SPON1: variants seen among roughly 807,000 people sequenced by gnomAD.
The protein encoded by SPON1 is spondin-1.
A neutral mutation model predicts 111.7 loss-of-function variants in SPON1; 52 were observed. That is an observed-to-expected ratio of 0.47 (90% CI 0.37 to 0.59). The LOEUF is 0.59. Ranked by LOEUF, SPON1 falls within the 20% of genes least tolerant of loss-of-function variation. The pLI, the probability that SPON1 is intolerant of heterozygous loss-of-function variation, is 0.00. For missense variants in SPON1, 957 were observed against 1,068.5 expected, an observed-to-expected ratio of 0.90 and a Z score of 1.46; for synonymous variants, 410 against 395.8, an observed-to-expected ratio of 1.04 and a Z score of -0.43.
intron 6 of SPON1, among the ~76,000 whole-genome samples, chr11:14,161,173 ATC>A (rs1554931227): frequency 1.6e-4 from 16 of 98,092 alleles, no homozygotes; most frequent in African/African-American, 6.1e-4. Flanking sequence ...ATATCTATAT[ATC>A]TATATATTTA....
chr11:14,015,400 T>TATAA (rs1848437558), intron 2 of SPON1, among the ~76,000 whole-genome samples: 1 of 152,174 alleles, frequency 6.6e-6, no homozygotes, highest in Non-Finnish European at 1.5e-5. Flanking sequence ...TTAAGACCTT[T>TATAA]ATAAGGTCAC....
chr11:14,017,221 A>G (rs1350143404), intron 2 of SPON1, among the ~76,000 whole-genome samples: 2 of 152,168 alleles, frequency 1.3e-5, no homozygotes, highest in African/African-American at 4.8e-5. Context: ...ACCCCAAAAT[A>G]ATGTCATTGT....
At chr11:14,089,897 C>G (rs551650064) in intron 5 of SPON1, among the ~76,000 whole-genome samples, 1 of 152,178 alleles carries the variant, frequency 6.6e-6, no homozygotes, top group Admixed American at 6.5e-5. Context: ...TGTTTTGCCA[C>G]GCTGTGTTGA....
At chr11:14,113,625 C>T (rs1282531536) in intron 5 of SPON1, among the ~76,000 whole-genome samples, 2 of 80,094 alleles carry the variant, frequency 2.5e-5, no homozygotes, top group African/African-American at 4.3e-5. Context: ...TTTTTTGAGA[C>T]GGAGTCTCGC....
intron 3 of SPON1, among the ~76,000 whole-genome samples, chr11:14,043,960 G>A (rs1554917597): frequency 6.6e-6 from 1 of 152,158 alleles, no homozygotes; most frequent in Admixed American, 6.5e-5. Flanking sequence ...AGTCAAATAA[G>A]GGAGAGAGAA....
chr11:14,184,707 A>G (rs2133888876), intron 6 of SPON1, among the ~76,000 whole-genome samples: 1 of 152,324 alleles, frequency 6.6e-6, no homozygotes, highest in South Asian at 2.1e-4. Context: ...TTTCAACATT[A>G]GACATCCAGC....
chr11:14,098,684 G>C (rs538603672), intron 5 of SPON1, among the ~76,000 whole-genome samples: 1 of 152,078 alleles, frequency 6.6e-6, no homozygotes, highest in South Asian at 2.1e-4. Context: ...AAGAGAGAGA[G>C]AGAGAGAATA....
chr11:14,190,514 A>T, intron 6 of SPON1, among the ~76,000 whole-genome samples: 1 of 139,600 alleles, frequency 7.2e-6, no homozygotes. Flanking sequence ...TTCCTTCTTT[A>T]GTTCCTTCCT....
chr11:14,187,062 G>A (rs1231598767), intron 6 of SPON1, among the ~76,000 whole-genome samples: 1 of 152,218 alleles, frequency 6.6e-6, no homozygotes, highest in Non-Finnish European at 1.5e-5. Flanking sequence ...TCGGCTTCCG[G>A]TGAGGTCTCA....
intron 6 of SPON1, among the ~76,000 whole-genome samples, chr11:14,177,076 T>G (rs1554933172): frequency 6.6e-6 from 1 of 152,188 alleles, no homozygotes; most frequent in African/African-American, 2.4e-5. Flanking sequence ...TGTCTCGCTC[T>G]GTCACCCAGG....
intron 2 of SPON1, among the ~76,000 whole-genome samples, chr11:14,039,201 G>T (rs1848615458): frequency 6.6e-6 from 1 of 152,176 alleles, no homozygotes; most frequent in Non-Finnish European, 1.5e-5. Flanking sequence ...TGAATAAGAA[G>T]AGCACAGAGG....
intron 6 of SPON1, among the ~76,000 whole-genome samples, chr11:14,195,411 A>G (rs977329185): frequency 2.0e-5 from 3 of 152,198 alleles, no homozygotes; most frequent in African/African-American, 7.2e-5. Context: ...TGATTGGAAA[A>G]GGCCTGGAAT....
rs1488497847 is a variant in SPON1, at chr11:13,997,289, C to G, written c.345+14336C>G. Among the ~76,000 whole-genome samples, 8 of 152,282 alleles carry G rather than the reference C, an allele frequency of 5.3e-5. No homozygotes were observed. The South Asian group carries it at 1.7e-3, about 32-fold the overall frequency. On this transcript the variant is annotated intron_variant, in intron 2 of 15. Transcript: ENST00000576479. ...GGACCATGCATCTAGCTTAGCTTTG[C>G]TATTTAAAATATACAGCGAGTATGT...
chr11:14,244,854 G>A (rs956101375), intron 7 of SPON1, among the ~76,000 whole-genome samples: 5 of 152,178 alleles, frequency 3.3e-5, no homozygotes, highest in Non-Finnish European at 5.9e-5. Flanking sequence ...TTTAGCGTGC[G>A]CAGGTGGGCG....
intron 1 of SPON1, among the ~76,000 whole-genome samples, chr11:13,976,320 T>A (rs1848103475): frequency 6.6e-6 from 1 of 152,164 alleles, no homozygotes; most frequent in East Asian, 1.9e-4. Flanking sequence ...GAAGATTCTA[T>A]TATTTACTGC....
chr11:14,239,842 C>CA (rs1309736770), intron 6 of SPON1, among the ~76,000 whole-genome samples: 1 of 152,198 alleles, frequency 6.6e-6, no homozygotes, highest in Non-Finnish European at 1.5e-5. Flanking sequence ...GATTCATAAA[C>CA]ATTAAAAAGA....
In SPON1 at chr11:14,006,237, G is replaced by A. The variant is rs558445644; in HGVS notation, c.345+23284G>A. 4.9e-4 allele frequency among the ~76,000 whole-genome samples: 74 copies of A among 152,226 alleles called. 1 individual carries two copies. The highest frequency in any genetic ancestry group is 1.4e-3 in the African/African-American group (59 of 41,552). Reference sequence around the variant, plus strand: ...AATTGTCATCTAAATGCCCTTCCACGCCAGTTTGGGACTATGGGCTTTATC... The same window carrying A: ...AATTGTCATCTAAATGCCCTTCCACACCAGTTTGGGACTATGGGCTTTATC... On this transcript the variant is annotated intron_variant, in intron 2 of 15. Transcript: ENST00000576479.
intron 6 of SPON1, among the ~76,000 whole-genome samples, chr11:14,205,698 T>C (rs1554936118): frequency 6.6e-6 from 1 of 152,134 alleles, no homozygotes; most frequent in South Asian, 2.1e-4. Context: ...TTGGGTCATT[T>C]CTTCACTTAA....
chr11:14,086,273 G>C (rs1285851213), intron 5 of SPON1, among the ~76,000 whole-genome samples: 1 of 152,104 alleles, frequency 6.6e-6, no homozygotes, highest in Non-Finnish European at 1.5e-5. Flanking sequence ...TATGATATTG[G>C]TTATGGGTCT....
Sources: allele counts gnomAD v4.1 joint callset (sites outside exome capture counted in the v4.1 genomes callset), GRCh38; gene constraint gnomAD v4.1.1; transcripts MANE v1.5; gene names NCBI Gene and HGNC (gene_info 2026-07-23, HGNC 2026-07-21).